The following TAOK1 variants were observed in gnomAD, a reference collection of about 807,000 sequenced individuals.
The protein encoded by TAOK1 is serine/threonine-protein kinase TAO1.
A neutral mutation model predicts 138.3 loss-of-function variants in TAOK1; 21 were observed. The ratio of observed to expected loss-of-function variants is 0.15; its 90% confidence interval spans 0.11 to 0.22. TAOK1 has a LOEUF of 0.22. Among genes scored for constraint, TAOK1 ranks in the 10% least tolerant of loss-of-function variants. The pLI is 1.00. For synonymous variants in TAOK1, 361 were observed against 398.4 expected (o/e 0.91, Z 1.12); for missense variants, 651 against 1,227.7 (o/e 0.53, Z 7.02).
intron 18 of TAOK1, 61 bp downstream of exon 18, chr17:29,530,680 C>T (rs536327): frequency 0.45 from 603,087 of 1,353,222 alleles, 140,293 homozygotes; most frequent in Middle Eastern, 0.49. Flanking sequence ...ACCACCTGAA[C>T]GAAATCACAG....
chr17:29,443,075 G>A (rs920593159), intron 1 of TAOK1, among the ~76,000 whole-genome samples: 3 of 152,144 alleles, frequency 2.0e-5, no homozygotes, highest in Non-Finnish European at 4.4e-5. Flanking sequence ...GTGTAAAGAA[G>A]CAATTTTCTT....
chr17:29,508,105 G>A lies in TAOK1; in HGVS notation c.1548G>A (p.Lys516=). Residue 516 remains lysine, a synonymous_variant, in exon 14 of 20, where the codon AAG becomes AAA. Transcript: ENST00000261716. ...NFAAEMEKLI[K]KHQAAMEKEA... The stretch of plus-strand genomic sequence containing the variant: ...CTGCAGAAATGGAGAAACTTATCAA[G>A]AAACACCAGGCTGCCATGGAGAAAG... The A allele has an allele frequency of 6.2e-7, 1 of 1,614,030 alleles. No individual in the cohort carries two copies. The highest frequency in any genetic ancestry group is 8.5e-7 in the Non-Finnish European group (1 of 1,179,938).
intron 1 of TAOK1, among the ~76,000 whole-genome samples, chr17:29,408,756 A>G (rs1741614701): frequency 2.0e-5 from 3 of 151,004 alleles, no homozygotes; most frequent in African/African-American, 7.3e-5. Context: ...TGTGTCACCT[A>G]GGCTGGAATG....
chr17:29,499,326 G>A (rs1029830076), intron 12 of TAOK1, among the ~76,000 whole-genome samples: 2 of 148,590 alleles, frequency 1.3e-5, no homozygotes, highest in Admixed American at 6.8e-5. Context: ...CCACCTCTCA[G>A]TTTCAAGCGA....
chr17:29,498,606 G>C, intron 12 of TAOK1, 85 bp downstream of exon 12: 1 of 1,503,562 alleles, frequency 6.7e-7, no homozygotes, highest in Non-Finnish European at 9.1e-7. Context: ...GAAGAAGGAA[G>C]ATAAGGAAGT....
At chr17:29,394,150 G>GGTTTTTTTTTTTTTTTT (rs1904513941) in intron 1 of TAOK1, among the ~76,000 whole-genome samples, 1 of 48,248 alleles carries the variant, frequency 2.1e-5, no homozygotes, top group Non-Finnish European at 3.6e-5. Flanking sequence ...TAATTTGCCA[G>GGTTTTTTTTTTTTTTTT]TTTTTTTTTT....
chr17:29,407,970 C>T (rs1405427080), intron 1 of TAOK1, among the ~76,000 whole-genome samples: 1 of 152,150 alleles, frequency 6.6e-6, no homozygotes, highest in Non-Finnish European at 1.5e-5. Context: ...TTAAGTGATC[C>T]TCTTGCCTCA....
At chr17:29,426,245 G>A (rs1200901632) in intron 1 of TAOK1, among the ~76,000 whole-genome samples, 1 of 152,190 alleles carries the variant, frequency 6.6e-6, no homozygotes, top group Non-Finnish European at 1.5e-5. Context: ...GTGCTATGTA[G>A]TAGGTGAAAA....
intron 2 of TAOK1, among the ~76,000 whole-genome samples, chr17:29,458,472 A>AC (rs1181599223): frequency 6.6e-6 from 1 of 152,082 alleles, no homozygotes; most frequent in Non-Finnish European, 1.5e-5. Flanking sequence ...GGTGTGTAGT[A>AC]GTATTTCAAT....
chr17:29,468,403 C>T (rs752572636), intron 3 of TAOK1, among the ~76,000 whole-genome samples: 5 of 151,874 alleles, frequency 3.3e-5, no homozygotes, highest in Non-Finnish European at 5.9e-5. Context: ...TCCCAAAGTG[C>T]TTGGATTGTA....
At chr17:29,423,049 G>A (rs1176388750) in intron 1 of TAOK1, among the ~76,000 whole-genome samples, 1 of 150,806 alleles carries the variant, frequency 6.6e-6, no homozygotes, top group Non-Finnish European at 1.5e-5. Context: ...AAATCTAGCT[G>A]TTGGTGTCAT....
chr17:29,526,679 C>T (rs2032015102), intron 17 of TAOK1, among the ~76,000 whole-genome samples: 1 of 151,978 alleles, frequency 6.6e-6, no homozygotes, highest in South Asian at 2.1e-4. Context: ...CTCTCAGAGT[C>T]TTGGGATTAC....
intron 1 of TAOK1, among the ~76,000 whole-genome samples, chr17:29,428,829 T>C (rs1401834328): frequency 6.6e-6 from 1 of 151,392 alleles, no homozygotes; most frequent in Admixed American, 6.6e-5. Flanking sequence ...GGTTCCACCA[T>C]GTTGCCCAGG....
chr17:29,548,885 C>G lies in TAOK1; in HGVS notation c.*5863C>G, dbSNP rs1439848330. ...TTAGAATTAATACTTAAATGTTAAA[C>G]AGGGGGAAATGAAGCTTAATCATGG... On this transcript the variant is annotated 3_prime_UTR_variant, in exon 20 of 20. Transcript: ENST00000261716. 1 of 152,064 alleles carries G rather than the reference C, an allele frequency of 6.6e-6. No homozygotes were observed. Among genetic ancestry groups the G allele is most frequent in the African/African-American group, 2.4e-5 (1 of 41,414 alleles). The allele number at this position is 152,064 out of a possible 1,614,324, so 9.4% of individuals were successfully genotyped here.
intron 1 of TAOK1, among the ~76,000 whole-genome samples, chr17:29,400,139 A>C (rs972238380): frequency 1.3e-5 from 2 of 152,062 alleles, no homozygotes; most frequent in Non-Finnish European, 2.9e-5. Flanking sequence ...CAGGCCTGTA[A>C]TCTCAGCACT....
intron 12 of TAOK1, among the ~76,000 whole-genome samples, chr17:29,501,417 C>T (rs2031527117): frequency 7.7e-6 from 1 of 129,326 alleles, no homozygotes; most frequent in Non-Finnish European, 1.8e-5. Flanking sequence ...AATGGAGACC[C>T]TGTCTCAAAA....
chr17:29,522,645 T>A (rs2031939735), intron 17 of TAOK1, 126 bp downstream of exon 17: 1 of 1,375,030 alleles, frequency 7.3e-7, no homozygotes, highest in South Asian at 1.4e-5. Flanking sequence ...ATTTTTAGCA[T>A]CTTTGGTTGA....
chr17:29,471,276 C>CT lies in TAOK1; in HGVS notation c.204+4082dup, dbSNP rs759764241. On this transcript the variant is annotated intron_variant, in intron 3 of 19. Coordinates refer to ENST00000261716, the MANE Select transcript of TAOK1 (RefSeq NM_020791.4). ...ACCTTAATTTTAAAATATTTTCTTT[C>CT]TTTTTTTTTTTTTTTTTTTTTTGAG... Among the ~76,000 whole-genome samples, 221 of 81,814 alleles carry CT rather than the reference C, an allele frequency of 2.7e-3. 2 individuals are homozygous for CT. The highest frequency in any genetic ancestry group is 0.011 in the Middle Eastern group (1 of 92). The allele number at this position is 81,814 out of a possible 152,430, so 53.7% of individuals were successfully genotyped here.
intron 3 of TAOK1, among the ~76,000 whole-genome samples, chr17:29,473,879 G>A (rs1273336033): frequency 3.3e-5 from 5 of 151,842 alleles, no homozygotes; most frequent in Admixed American, 2.0e-4. Flanking sequence ...CTACAGGCAC[G>A]CATCACCACA....
Sources: allele counts gnomAD v4.1 joint callset (sites outside exome capture counted in the v4.1 genomes callset), GRCh38; gene constraint gnomAD v4.1.1; transcripts MANE v1.5; gene names NCBI Gene and HGNC (gene_info 2026-07-23, HGNC 2026-07-21).